The following CASQ2 variants were observed in gnomAD, a reference collection of about 807,000 sequenced individuals.
CASQ2 encodes calsequestrin 2.
A neutral mutation model predicts 46.5 loss-of-function variants in CASQ2; 49 were observed. That is an observed-to-expected ratio of 1.05 (90% CI 0.84 to 1.34). The LOEUF (loss-of-function observed/expected upper bound fraction) is 1.34, where lower values mean the gene tolerates loss of function less well. Among genes scored for constraint, CASQ2 ranks in the 40% most tolerant of loss-of-function variants. CASQ2 has a pLI of 0.00. For synonymous variants in CASQ2, 174 were observed against 168.5 expected (o/e 1.03, Z -0.25); for missense variants, 486 against 481.3 (o/e 1.01, Z -0.09).
At chr1:115,732,267 C>A (rs1172050789) in intron 5 of CASQ2, 1 of 152,496 alleles carries the variant, frequency 6.6e-6, no homozygotes, top group Non-Finnish European at 1.5e-5. Flanking sequence ...TGCTCAAGAT[C>A]CCTCCCAACT....
chr1:115,755,877 G>A (rs1392992723), intron 1 of CASQ2, among the ~76,000 whole-genome samples: 1 of 152,244 alleles, frequency 6.6e-6, no homozygotes, highest in Non-Finnish European at 1.5e-5. Context: ...CACAGCTAGT[G>A]CAAGGACTCA....
intron 1 of CASQ2, among the ~76,000 whole-genome samples, chr1:115,766,945 T>TAA (rs147105742): frequency 2.0e-5 from 3 of 150,868 alleles, no homozygotes; most frequent in Non-Finnish European, 4.4e-5. Flanking sequence ...TATTTCTTTT[T>TAA]TAAAAAAAAT....
intron 4 of CASQ2, among the ~76,000 whole-genome samples, chr1:115,735,464 G>C (rs1246244980): frequency 1.3e-5 from 2 of 152,180 alleles, no homozygotes; most frequent in Admixed American, 1.3e-4. Context: ...ACACCTACTT[G>C]AATGTACTTA....
intron 8 of CASQ2, among the ~76,000 whole-genome samples, chr1:115,712,242 G>A (rs919819061): frequency 1.3e-5 from 2 of 152,210 alleles, no homozygotes; most frequent in African/African-American, 2.4e-5. Context: ...GTAGGACAGG[G>A]GACATTGTCT....
intron 9 of CASQ2, 23 bp from the exon 10 acceptor site, chr1:115,703,018 T>G (rs1654256893): frequency 6.3e-7 from 1 of 1,597,344 alleles, no homozygotes; most frequent in Non-Finnish European, 8.6e-7. Context: ...AAAAATAAGA[T>G]TAGACAGCAG....
chr1:115,720,123 G>T (rs562567639), intron 7 of CASQ2, among the ~76,000 whole-genome samples: 1 of 152,280 alleles, frequency 6.6e-6, no homozygotes, highest in African/African-American at 2.4e-5. Context: ...AGCCAGTTCT[G>T]TCTGGCCCCA....
intron 1 of CASQ2, 70 bp downstream of exon 1, chr1:115,768,238 C>T (rs886189285): frequency 1.6e-5 from 16 of 1,008,614 alleles, no homozygotes; most frequent in Admixed American, 5.1e-5. Context: ...CATATCCCAA[C>T]CCCTGGCCAA....
At chr1:115,731,012 C>G (rs997997783) in intron 5 of CASQ2, among the ~76,000 whole-genome samples, 6 of 152,168 alleles carry the variant, frequency 3.9e-5, no homozygotes, top group Non-Finnish European at 2.9e-5. Context: ...TTGGACACCC[C>G]CTCCACCCCA....
At chr1:115,709,463 T>C (rs868693632) in intron 8 of CASQ2, among the ~76,000 whole-genome samples, 2 of 152,204 alleles carry the variant, frequency 1.3e-5, no homozygotes, top group Non-Finnish European at 2.9e-5. Context: ...GTTTCAGAAG[T>C]AATATAGCCT....
intron 1 of CASQ2, among the ~76,000 whole-genome samples, chr1:115,762,870 G>A (rs1341011350): frequency 2.6e-5 from 4 of 152,170 alleles, no homozygotes; most frequent in Non-Finnish European, 5.9e-5. Context: ...CCTCATCCCA[G>A]GCTGGGTGCT....
At position 115,761,455 on chromosome 1, in the gene CASQ2, A is replaced by G. The variant is rs1235065199; in HGVS notation, c.234+6853T>C. ...AAGAAGAAGAAAGAAGAAGAAGAAGAAGAAGAAGGAGAAGAAGAAGAAGAA... is the reference window on the plus strand; with the variant it reads ...AAGAAGAAGAAAGAAGAAGAAGAAGGAGAAGAAGGAGAAGAAGAAGAAGAA... On this transcript the variant is annotated intron_variant, in intron 1 of 10. Transcript: ENST00000261448. 6.0e-4 allele frequency among the ~76,000 whole-genome samples: 8 copies of G among 13,398 alleles called. 1 individual carries two copies. The highest frequency in any genetic ancestry group is 1.6e-3 in the African/African-American group (6 of 3,868). 8.8% of individuals were successfully genotyped at this position (13,398 alleles called of 152,430 possible).
chr1:115,757,612 A>C (rs1039769667), intron 1 of CASQ2, among the ~76,000 whole-genome samples: 5 of 152,156 alleles, frequency 3.3e-5, no homozygotes, highest in Non-Finnish European at 7.3e-5. Flanking sequence ...CACCACTGGG[A>C]TATTTGCCAG....
chr1:115,705,230 G>GATC lies in CASQ2; in HGVS notation c.898_900dup (p.Asp300dup), dbSNP rs1557785041. The GATC allele has an allele frequency of 6.2e-7, 1 of 1,614,008 alleles. No homozygotes were observed. Among genetic ancestry groups the GATC allele is most frequent in the Admixed American group, 1.7e-5 (1 of 60,036 alleles). ...TCCGGGTCGATCCACAGGATGCTCA[G>GATC]ATCGGGGTTGTCAGTATTGTCCCGG... On this transcript the variant is annotated inframe_insertion, in exon 9 of 11. Coordinates refer to ENST00000261448, the MANE Select transcript of CASQ2 (RefSeq NM_001232.4).
chr1:115,755,890 C>A (rs1387812901), intron 1 of CASQ2, among the ~76,000 whole-genome samples: 1 of 152,192 alleles, frequency 6.6e-6, no homozygotes, highest in African/African-American at 2.4e-5. Context: ...AGGACTCAAT[C>A]CCAGCTGGCT....
At chr1:115,744,782 A>G (rs1648326369) in intron 2 of CASQ2, 46 bp downstream of exon 2, 2 of 1,271,258 alleles carry the variant, frequency 1.6e-6, no homozygotes, top group African/African-American at 1.5e-5. Context: ...TTTGCAAGAC[A>G]CATTCGTTTC....
chr1:115,724,989 G>A (rs909237769), intron 7 of CASQ2, among the ~76,000 whole-genome samples: 1 of 152,214 alleles, frequency 6.6e-6, no homozygotes, highest in African/African-American at 2.4e-5. Context: ...TGCCTAGTGA[G>A]TAGTACCAAA....
At chr1:115,740,667 A>G (rs776513255) in intron 3 of CASQ2, 61 bp downstream of exon 3, 17 of 1,065,308 alleles carry the variant, frequency 1.6e-5, no homozygotes, top group Non-Finnish European at 2.3e-5. Flanking sequence ...TTGGGGTTCT[A>G]TCTCTCCCTA....
At chr1:115,734,187 G>A (rs1482303886) in intron 4 of CASQ2, among the ~76,000 whole-genome samples, 8 of 152,364 alleles carry the variant, frequency 5.3e-5, no homozygotes, top group Non-Finnish European at 1.2e-4. Context: ...CGAGAATTGG[G>A]TGGAGGGGAG....
chr1:115,758,481 T>C (rs974527662), intron 1 of CASQ2, among the ~76,000 whole-genome samples: 1 of 152,236 alleles, frequency 6.6e-6, no homozygotes, highest in Non-Finnish European at 1.5e-5. Context: ...TTTGTGAATG[T>C]CACATTCTAT....
Sources: gnomAD v4.1 joint callset for allele counts (sites outside exome capture counted in the v4.1 genomes callset) on GRCh38, gnomAD v4.1.1 for gene constraint, MANE v1.5 for transcripts, NCBI Gene and HGNC (gene_info 2026-07-23, HGNC 2026-07-21) for gene names.